FAM185A: variants seen among roughly 807,000 people sequenced by gnomAD.
FAM185A encodes the protein family with sequence similarity 185 member A.
Under a neutral mutation model 45.7 loss-of-function variants are expected in FAM185A, and 21 were observed. The ratio of observed to expected loss-of-function variants is 0.46; its 90% CI spans 0.33 to 0.66. FAM185A has a LOEUF of 0.66. Ranked by LOEUF, FAM185A falls within the 30% of genes least tolerant of loss-of-function variation. FAM185A has a pLI of 0.03. For synonymous variants in FAM185A, 117 were observed against 194.0 expected (o/e 0.60, Z 3.30); for missense variants, 305 against 485.4 (o/e 0.63, Z 3.49).
chr7:102,788,887 G>A (rs1488776801), intron 7 of FAM185A, among the ~76,000 whole-genome samples: 2 of 152,118 alleles, frequency 1.3e-5, no homozygotes, highest in South Asian at 2.1e-4. Flanking sequence ...ATATAGAAAA[G>A]GTACAGTAAA....
chr7:102,827,848 C>T, the FAM185A span, among the ~76,000 whole-genome samples: 1 of 152,010 alleles, frequency 6.6e-6, no homozygotes, highest in Admixed American at 6.6e-5. Flanking sequence ...GAATCCTTTC[C>T]CCATTTCTTG....
chr7:102,829,373 T>A, the FAM185A span, among the ~76,000 whole-genome samples: 1 of 152,222 alleles, frequency 6.6e-6, no homozygotes, highest in African/African-American at 2.4e-5. Flanking sequence ...CACCTACACT[T>A]GTAGGACAGA....
At chr7:102,819,033 A>T in the FAM185A span, among the ~76,000 whole-genome samples, 1 of 152,028 alleles carries the variant, frequency 6.6e-6, no homozygotes. Context: ...GCTCCCACTT[A>T]TAAGTGAGAA....
chr7:102,810,063 CAG>C (rs199690252), downstream of FAM185A, among the ~76,000 whole-genome samples: 1,891 of 152,290 alleles, frequency 0.012, 45 homozygotes, highest in African/African-American at 0.044. Flanking sequence ...AGAAGCCAAG[CAG>C]AGAGGCCCGT....
chr7:102,797,652 TGTGAGAGCACTG>T (rs1476254567), intron 7 of FAM185A, among the ~76,000 whole-genome samples: 3 of 152,168 alleles, frequency 2.0e-5, no homozygotes, highest in Admixed American at 6.5e-5. Flanking sequence ...TGGTAAGCTT[TGTGAGAGCACTG>T]GTGTGTCTTT....
At chr7:102,835,603 GTTTTTT>G in the FAM185A span, among the ~76,000 whole-genome samples, 6 of 97,524 alleles carry the variant, frequency 6.2e-5, no homozygotes, top group East Asian at 1.6e-3. Flanking sequence ...AGGTGACATT[GTTTTTT>G]TTTTTTTTTT....
At chr7:102,763,869 C>G (rs2129434583) in intron 4 of FAM185A, among the ~76,000 whole-genome samples, 1 of 152,336 alleles carries the variant, frequency 6.6e-6, no homozygotes, top group Middle Eastern at 3.4e-3. Context: ...ACCAAGGGTG[C>G]AAAGTTGGGC....
intron 7 of FAM185A, among the ~76,000 whole-genome samples, chr7:102,801,398 A>C (rs1051294276): frequency 2.0e-5 from 3 of 152,236 alleles, no homozygotes; most frequent in Non-Finnish European, 4.4e-5. Flanking sequence ...CTCAATACTA[A>C]CATCGAATGT....
chr7:102,808,626 C>A lies in FAM185A; in HGVS notation c.*224C>A. The A allele has an allele frequency of 2.0e-6, 1 of 488,538 alleles. No homozygotes were observed. Among genetic ancestry groups the A allele is most frequent in the Non-Finnish European group, 3.7e-6 (1 of 270,550 alleles). 30.3% of individuals were successfully genotyped at this position (488,538 alleles called of 1,614,324 possible). ...AAATTTAGCAGCATAAAATAATACT[C>A]ATTTACAGCTATGTCTAGGTTCTCC... On this transcript the variant is annotated 3_prime_UTR_variant, in exon 8 of 8. Coordinates refer to ENST00000413034, the MANE Select transcript of FAM185A (RefSeq NM_001145268.2).
the FAM185A span, among the ~76,000 whole-genome samples, chr7:102,833,746 T>G: frequency 6.6e-6 from 1 of 151,936 alleles, no homozygotes; most frequent in South Asian, 2.1e-4. Context: ...TTAGGGAAAA[T>G]AACATCTACT....
chr7:102,832,231 G>GA, the FAM185A span, among the ~76,000 whole-genome samples: 340 of 152,224 alleles, frequency 2.2e-3, 1 homozygote, highest in Non-Finnish European at 4.1e-3. Flanking sequence ...TAAAACACTT[G>GA]AAAATAACAC....
chr7:102,784,792 T>C (rs1034131875), intron 6 of FAM185A, among the ~76,000 whole-genome samples: 1 of 152,196 alleles, frequency 6.6e-6, no homozygotes. Flanking sequence ...ATGCCCTCTC[T>C]CACCACTCCT....
At chr7:102,837,254 G>A in the FAM185A span, among the ~76,000 whole-genome samples, 1 of 152,190 alleles carries the variant, frequency 6.6e-6, no homozygotes, top group Non-Finnish European at 1.5e-5. Flanking sequence ...TGCCCCTCCT[G>A]GAGATGCCAC....
intron 7 of FAM185A, among the ~76,000 whole-genome samples, chr7:102,788,681 T>C (rs147928075): frequency 6.6e-6 from 1 of 152,184 alleles, no homozygotes. Context: ...CAGAGATACA[T>C]TCTGAGAAAT....
chr7:102,796,712 T>C (rs1332750577), intron 7 of FAM185A, among the ~76,000 whole-genome samples: 1 of 152,172 alleles, frequency 6.6e-6, no homozygotes, highest in African/African-American at 2.4e-5. Flanking sequence ...AAAAAACCCA[T>C]GAGTTATAAT....
chr7:102,798,128 G>C (rs1454401537), intron 7 of FAM185A, among the ~76,000 whole-genome samples: 2 of 152,218 alleles, frequency 1.3e-5, no homozygotes, highest in Non-Finnish European at 1.5e-5. Flanking sequence ...CTCCCACTTA[G>C]TGGAAGCCAC....
the FAM185A span, among the ~76,000 whole-genome samples, chr7:102,840,539 G>A: frequency 6.6e-6 from 1 of 152,156 alleles, no homozygotes; most frequent in African/African-American, 2.4e-5. Context: ...TTTGTTCTTA[G>A]TCTTTCCCAA....
chr7:102,813,084 C>A, downstream of FAM185A: 2 of 304,338 alleles, frequency 6.6e-6, no homozygotes, highest in East Asian at 6.7e-5. Context: ...TTATGGTCCA[C>A]CCGCCTTGGC....
chr7:102,752,796 T>TG (rs1793452236), intron 2 of FAM185A, among the ~76,000 whole-genome samples: 1 of 135,474 alleles, frequency 7.4e-6, no homozygotes, highest in Non-Finnish European at 1.6e-5. Flanking sequence ...TGATAGGTGC[T>TG]AGCTTATTGT....
Sources: allele counts gnomAD v4.1 joint callset (sites outside exome capture counted in the v4.1 genomes callset), GRCh38; gene constraint gnomAD v4.1.1; transcripts MANE v1.5; gene names NCBI Gene and HGNC (gene_info 2026-07-23, HGNC 2026-07-21).